ME3: variants seen among roughly 807,000 people sequenced by gnomAD.
The protein encoded by ME3 is NADP-dependent malic enzyme, mitochondrial.
A neutral mutation model predicts 68.9 loss-of-function variants in ME3; 48 were observed. That is an observed-to-expected ratio of 0.70 (90% CI 0.55 to 0.89). The LOEUF is 0.89. ME3 is among the 40% of genes least tolerant of loss of function. The probability of loss-of-function intolerance (pLI) is 0.00; values close to 1 mark genes in which losing one functional copy is unlikely to be tolerated. For missense variants in ME3, 675 were observed against 797.4 expected (o/e 0.85, Z 1.85); for synonymous variants, 320 against 318.8 (o/e 1.00, Z -0.04).
intron 4 of ME3, among the ~76,000 whole-genome samples, chr11:86,549,879 A>C (rs1956579396): frequency 6.6e-6 from 1 of 152,182 alleles, no homozygotes; most frequent in Non-Finnish European, 1.5e-5. Context: ...CTGAAGGTTG[A>C]GTTGGAGATG....
chr11:86,638,803 A>C (rs897000080), intron 2 of ME3, among the ~76,000 whole-genome samples: 7 of 152,216 alleles, frequency 4.6e-5, no homozygotes, highest in Non-Finnish European at 1.0e-4. Flanking sequence ...CCAAGATCAC[A>C]CTGCTAGTAA....
At chr11:86,449,942 C>T in exon 10 of ME3, 2 of 1,614,116 alleles carry the variant, frequency 1.2e-6, no homozygotes, top group Non-Finnish European at 1.7e-6. Context: ...GTGGCCTCTG[C>T]CTTCGGTACA....
chr11:86,457,859 A>G (rs969976463), intron 8 of ME3: 1 of 1,154,818 alleles, frequency 8.7e-7, no homozygotes, highest in Non-Finnish European at 1.1e-6. Flanking sequence ...GCTTCAGGAA[A>G]TAGCACAAAA....
At chr11:86,626,777 T>C (rs1384201172) in intron 2 of ME3, among the ~76,000 whole-genome samples, 1 of 152,256 alleles carries the variant, frequency 6.6e-6, no homozygotes, top group African/African-American at 2.4e-5. Flanking sequence ...GAACTGAATT[T>C]GGCACATGGG....
At chr11:86,598,905 G>C (rs1471629331) in intron 2 of ME3, among the ~76,000 whole-genome samples, 1 of 152,170 alleles carries the variant, frequency 6.6e-6, no homozygotes, top group Non-Finnish European at 1.5e-5. Flanking sequence ...CTGTTAGAAG[G>C]AAAACTAACG....
intron 2 of ME3, among the ~76,000 whole-genome samples, chr11:86,670,894 AT>A (rs1946888370): frequency 6.6e-6 from 1 of 152,214 alleles, no homozygotes; most frequent in Admixed American, 6.5e-5. Context: ...CATAATATCT[AT>A]TTTAGGCTGG....
At chr11:86,539,198 C>G (rs1283814391) in intron 4 of ME3, among the ~76,000 whole-genome samples, 2 of 152,128 alleles carry the variant, frequency 1.3e-5, no homozygotes, top group Non-Finnish European at 2.9e-5. Flanking sequence ...CTTGGCTTTT[C>G]CAGCCTATAG....
Position 86,640,673 on chromosome 11 carries a change from C to T in ME3, c.183+31089G>A, listed in dbSNP as rs114013880. 4.8e-3 allele frequency among the ~76,000 whole-genome samples: 730 copies of T among 152,364 alleles called. 8 individuals are homozygous for T. The highest frequency in any genetic ancestry group is 0.017 in the African/African-American group (711 of 41,578). ...GATCCTGAGCTATCTCACTTTGCCTCTTGCAGATCTTGATCCTCATTCTTC... is the reference window on the plus strand; with the variant it reads ...GATCCTGAGCTATCTCACTTTGCCTTTTGCAGATCTTGATCCTCATTCTTC... On this transcript the variant is annotated intron_variant, in intron 2 of 14. Transcript: ENST00000543262.
At chr11:86,457,879 G>T in intron 8 of ME3, 1 of 1,062,090 alleles carries the variant, frequency 9.4e-7, no homozygotes, top group Non-Finnish European at 1.2e-6. Context: ...AGGACATGCT[G>T]AAAATGTAGT....
chr11:86,655,524 C>T (rs539012410), intron 2 of ME3, among the ~76,000 whole-genome samples: 4 of 152,148 alleles, frequency 2.6e-5, no homozygotes, highest in Admixed American at 1.3e-4. Flanking sequence ...ATAAATGGTG[C>T]TGGGAAAACT....
chr11:86,562,663 T>C (rs1957292903), intron 2 of ME3, among the ~76,000 whole-genome samples: 1 of 152,160 alleles, frequency 6.6e-6, no homozygotes, highest in Non-Finnish European at 1.5e-5. Context: ...TCTTTTCTTT[T>C]TTTCCCTTAA....
At chr11:86,587,092 G>A (rs1267664810) in intron 2 of ME3, among the ~76,000 whole-genome samples, 1 of 152,212 alleles carries the variant, frequency 6.6e-6, no homozygotes, top group African/African-American at 2.4e-5. Context: ...TAGATGGTAA[G>A]GTTTTGTAAA....
intron 4 of ME3, among the ~76,000 whole-genome samples, chr11:86,549,655 A>C (rs183309180): frequency 1.4e-4 from 22 of 152,376 alleles, no homozygotes; most frequent in African/African-American, 5.0e-4. Context: ...TATTGACATC[A>C]CATGAGTGGG....
At chr11:86,446,216 G>T in intron 13 of ME3, 98 bp downstream of exon 13, 1 of 1,388,940 alleles carries the variant, frequency 7.2e-7, no homozygotes. Flanking sequence ...GCAATGTTGG[G>T]GCAGATGGGC....
At position 86,465,217 on chromosome 11, in the gene ME3, G is replaced by A. The variant is rs1950417465; in HGVS notation, c.810-17C>T. ...ATTCCAAACCTGTGTGGAGGGAGAG[G>A]AAGAAACCCATGATTGCCTCTCTGA... On this transcript the variant is annotated splice_polypyrimidine_tract_variant and intron_variant, in intron 7 of 14. Coordinates refer to ENST00000543262, the Ensembl canonical transcript of ME3. 1.3e-6 allele frequency: 2 copies of A among 1,561,304 alleles called. No homozygotes were observed. Among genetic ancestry groups the A allele is most frequent in the African/African-American group, 1.4e-5 (1 of 73,770 alleles).
At chr11:86,672,496 C>T (rs1274768676) in exon 1 of ME3, 1 of 152,284 alleles carries the variant, frequency 6.6e-6, no homozygotes, top group Non-Finnish European at 1.5e-5. Flanking sequence ...TTCTCAGTGC[C>T]TGGCTTCCCC....
chr11:86,520,628 C>T (rs1954205702), intron 4 of ME3, among the ~76,000 whole-genome samples: 1 of 152,190 alleles, frequency 6.6e-6, no homozygotes, highest in Admixed American at 6.5e-5. Context: ...CTCTGCCTCC[C>T]TCTTGTTCCT....
chr11:86,455,761 A>G (rs1378253403), intron 8 of ME3, among the ~76,000 whole-genome samples: 1 of 152,130 alleles, frequency 6.6e-6, no homozygotes, highest in Non-Finnish European at 1.5e-5. Flanking sequence ...CTTTTCCCAT[A>G]TCTACTTTTT....
intron 2 of ME3, among the ~76,000 whole-genome samples, chr11:86,647,460 G>C (rs1945095091): frequency 6.6e-6 from 1 of 151,154 alleles, no homozygotes; most frequent in Admixed American, 6.6e-5. Flanking sequence ...ACTCCAGCCT[G>C]GGAGACACAG....
Sources: allele counts gnomAD v4.1 joint callset (sites outside exome capture counted in the v4.1 genomes callset), GRCh38; gene constraint gnomAD v4.1.1; transcripts MANE v1.5; gene names NCBI Gene and HGNC (gene_info 2026-07-23, HGNC 2026-07-21).